The following COG2 variants were observed in gnomAD, a reference collection of about 807,000 sequenced individuals.
COG2 encodes the protein conserved oligomeric Golgi complex subunit 2.
In COG2, 52 loss-of-function variants were observed where a neutral mutation model predicts 90.6. The observed-to-expected ratio is 0.57, with a 90% CI of 0.46 to 0.72. The LOEUF is 0.72. COG2 is among the 30% of genes least tolerant of loss of function. COG2 has a pLI of 0.00. For missense variants in COG2, 829 were observed against 891.2 expected (o/e 0.93, Z 0.89); for synonymous variants, 337 against 320.4 (o/e 1.05, Z -0.55).
chr1:230,685,570 T>C (rs979608594), intron 12 of COG2, among the ~76,000 whole-genome samples: 55 of 152,334 alleles, frequency 3.6e-4, no homozygotes, highest in African/African-American at 1.2e-3. Context: ...AAGGTGATTA[T>C]GAAAATGATT....
chr1:230,683,755 G>GT, intron 11 of COG2, 120 bp downstream of exon 11: 1 of 682,376 alleles, frequency 1.5e-6, no homozygotes, highest in Non-Finnish European at 2.5e-6. Context: ...TAATCATACA[G>GT]TAAGTTGGAC....
intron 1 of COG2, among the ~76,000 whole-genome samples, chr1:230,656,007 G>C (rs955069012): frequency 2.0e-5 from 3 of 152,006 alleles, no homozygotes; most frequent in Admixed American, 2.0e-4. Context: ...TATTAGTCTG[G>C]CTAGAGGTCT....
chr1:230,687,966 T>C (rs1423775867), intron 13 of COG2, 105 bp from the exon 14 acceptor site: 13 of 706,232 alleles, frequency 1.8e-5, no homozygotes. Flanking sequence ...GATTTTAAGT[T>C]CACCATTCAT....
At chr1:230,657,881 C>T (rs1482516818) in intron 1 of COG2, among the ~76,000 whole-genome samples, 2 of 151,864 alleles carry the variant, frequency 1.3e-5, no homozygotes, top group Non-Finnish European at 2.9e-5. Context: ...TGTGTGTGCT[C>T]CACGAAGTTC....
chr1:230,682,921 G>A (rs1353564703), intron 10 of COG2: 1 of 152,210 alleles, frequency 6.6e-6, no homozygotes, highest in African/African-American at 2.4e-5. Context: ...TCCATTATTA[G>A]AACAGAAGTC....
At chr1:230,673,031 T>C (rs1391367227) in intron 8 of COG2, among the ~76,000 whole-genome samples, 3 of 152,310 alleles carry the variant, frequency 2.0e-5, no homozygotes, top group African/African-American at 4.8e-5. Context: ...CCACCTAAGA[T>C]GAAGTCTAGT....
intron 11 of COG2, chr1:230,684,328 AG>A (rs1662833624): frequency 6.6e-6 from 1 of 152,242 alleles, no homozygotes; most frequent in South Asian, 2.1e-4. Flanking sequence ...TGCATGGTAG[AG>A]GGTCAGGTGC....
chr1:230,646,444 C>T (rs905811171), intron 1 of COG2, among the ~76,000 whole-genome samples: 3 of 152,082 alleles, frequency 2.0e-5, no homozygotes, highest in Non-Finnish European at 2.9e-5. Flanking sequence ...CATAATCATT[C>T]TCCTCCTAGC....
intron 3 of COG2, among the ~76,000 whole-genome samples, chr1:230,661,099 A>G (rs1410509038): frequency 6.6e-6 from 1 of 152,122 alleles, no homozygotes; most frequent in East Asian, 1.9e-4. Context: ...GCTATTTGAA[A>G]ACTCAACTTG....
At chr1:230,650,998 C>T (rs1379899819) in intron 1 of COG2, among the ~76,000 whole-genome samples, 1 of 152,150 alleles carries the variant, frequency 6.6e-6, no homozygotes, top group African/African-American at 2.4e-5. Flanking sequence ...GTTTGAAACA[C>T]ACAGACATAC....
chr1:230,667,290 A>G (rs1342931308), intron 5 of COG2, among the ~76,000 whole-genome samples: 1 of 152,250 alleles, frequency 6.6e-6, no homozygotes, highest in East Asian at 1.9e-4. Context: ...GTATTATATT[A>G]TATTCAGTAT....
intron 15 of COG2, among the ~76,000 whole-genome samples, chr1:230,689,187 TA>T (rs60352970): frequency 1.3e-5 from 2 of 151,850 alleles, no homozygotes; most frequent in Admixed American, 6.6e-5. Context: ...AAGTTTTTAT[TA>T]AAAAAAATAT....
At chr1:230,642,839 G>T in intron 1 of COG2, 161 bp downstream of exon 1, 1 of 650,956 alleles carries the variant, frequency 1.5e-6, no homozygotes, top group Non-Finnish European at 2.6e-6. Context: ...TTTGGCGTCA[G>T]GTTTGGCGGG....
chr1:230,675,930 C>T (rs1483470217), intron 9 of COG2, among the ~76,000 whole-genome samples: 2 of 151,760 alleles, frequency 1.3e-5, no homozygotes, highest in East Asian at 3.9e-4. Flanking sequence ...GCTAGGATTT[C>T]AGCCCCCATG....
At chr1:230,672,664 TA>T (rs11297922) in intron 8 of COG2, among the ~76,000 whole-genome samples, 71,610 of 146,160 alleles carry the variant, frequency 0.49, 17,645 homozygotes, top group East Asian at 0.75. Context: ...AACCCCATCT[TA>T]AAAAAAAAAA....
chr1:230,684,960 A>G, intron 11 of COG2, 125 bp from the exon 12 acceptor site: 1 of 1,136,598 alleles, frequency 8.8e-7, no homozygotes, highest in Middle Eastern at 2.7e-4. Context: ...TTTGCTGACC[A>G]CATGGTTTTC....
At chr1:230,659,412 G>A in intron 1 of COG2, 52 bp from the exon 2 acceptor site, 1 of 1,386,600 alleles carries the variant, frequency 7.2e-7, no homozygotes, top group Non-Finnish European at 1.0e-6. Context: ...ATTTGTATAT[G>A]TCACTGTGAT....
At chr1:230,663,249 C>T (rs771137370) in intron 4 of COG2, 28 bp downstream of exon 4, 25 of 1,566,162 alleles carry the variant, frequency 1.6e-5, no homozygotes, top group East Asian at 1.3e-4. Context: ...AATATTAAAT[C>T]GTTGATTCAC....
chr1:230,659,368 C>A, intron 1 of COG2, 96 bp from the exon 2 acceptor site: 1 of 988,296 alleles, frequency 1.0e-6, no homozygotes. Context: ...TTGTAAATGA[C>A]GGGAATGGGC....
Sources: allele counts gnomAD v4.1 joint callset (sites outside exome capture counted in the v4.1 genomes callset), GRCh38; gene constraint gnomAD v4.1.1; transcripts MANE v1.5; gene names NCBI Gene and HGNC (gene_info 2026-07-23, HGNC 2026-07-21).